The following PLEKHH1 variants were observed in gnomAD, a reference collection of about 807,000 sequenced individuals.
PLEKHH1 encodes the protein pleckstrin homology, MyTH4 and FERM domain containing H1.
In PLEKHH1, 104 loss-of-function variants were observed where a neutral mutation model predicts 160.0. The observed-to-expected ratio is 0.65, with a 90% CI of 0.55 to 0.76. The LOEUF (loss-of-function observed/expected upper bound fraction) is 0.76, where lower values mean the gene tolerates loss of function less well. Among genes scored for constraint, PLEKHH1 ranks in the 30% least tolerant of loss-of-function variants. The pLI is 0.00. For synonymous variants in PLEKHH1, 619 were observed against 678.4 expected, an observed-to-expected ratio of 0.91 and a Z score of 1.36; for missense variants, 1,427 against 1,724.1, an observed-to-expected ratio of 0.83 and a Z score of 3.05.
rs981778357 is a variant in PLEKHH1, at chr14:67,582,295, T to C, written c.3426+85T>C. On this transcript the variant is annotated intron_variant, in intron 24 of 28. Transcript: ENST00000329153. The surrounding 1 kb of genome is among the most constrained non-coding windows in gnomAD (Gnocchi z 5.0). Reference sequence around the variant, plus strand: ...GCAGCCTGAAACACAGGAGAGATTCTGCAGATCCTGTGGTGCTCAGGAGAG... The same window carrying C: ...GCAGCCTGAAACACAGGAGAGATTCCGCAGATCCTGTGGTGCTCAGGAGAG... 12 of 1,598,814 alleles carry C rather than the reference T, an allele frequency of 7.5e-6. No homozygotes were observed. The highest frequency in any genetic ancestry group is 1.0e-5 in the Non-Finnish European group (12 of 1,173,270).
At chr14:67,569,609 G>GT (rs2035275398) in intron 8 of PLEKHH1, 1 of 465,858 alleles carries the variant, frequency 2.1e-6, no homozygotes, top group Admixed American at 3.4e-5. Flanking sequence ...AACGAGGGCT[G>GT]TGGGGTGGTC....
rs1389900754 is a variant in PLEKHH1, at chr14:67,577,875, T to C, written c.2575-148T>C. The C allele has an allele frequency of 1.5e-5, 10 of 654,112 alleles. No individual in the cohort carries two copies. In the East Asian group the frequency reaches 2.8e-4, roughly 18 times the overall value. The allele number at this position is 654,112 out of a possible 1,614,324, so 40.5% of individuals were successfully genotyped here. A position where few individuals can be genotyped will look rare whatever the true frequency, so the allele number is the denominator to read the frequency against. On this transcript the variant is annotated intron_variant, in intron 18 of 28. Coordinates refer to ENST00000329153, the MANE Select transcript of PLEKHH1 (RefSeq NM_020715.3). ...CATAGCCCCTTTTAGTAAGCAGAGATGCCCTCCAACAGTAGCAGTGCTCCC... is the reference window on the plus strand; with the variant it reads ...CATAGCCCCTTTTAGTAAGCAGAGACGCCCTCCAACAGTAGCAGTGCTCCC...
intron 27 of PLEKHH1, 108 bp from the exon 28 acceptor site, chr14:67,585,843 C>A: frequency 3.3e-6 from 4 of 1,216,540 alleles, no homozygotes; most frequent in African/African-American, 1.5e-5. Context: ...AAATTATGAC[C>A]ACTTGGGAGT....
chr14:67,555,262 CTTTCTAGTTCTTTA>C (rs564179332), intron 2 of PLEKHH1, among the ~76,000 whole-genome samples: 1 of 152,340 alleles, frequency 6.6e-6, no homozygotes, highest in South Asian at 2.1e-4. Flanking sequence ...CTCTCTTTCT[CTTTCTAGTTCTTTA>C]AGATTCAAGA....
intron 1 of PLEKHH1, among the ~76,000 whole-genome samples, chr14:67,535,215 T>C (rs2140301957): frequency 6.6e-6 from 1 of 152,218 alleles, no homozygotes; most frequent in Non-Finnish European, 1.5e-5. Context: ...CCTGTAACAG[T>C]GGTTGCCGCT....
At chr14:67,555,703 G>C in intron 2 of PLEKHH1, 122 bp from the exon 3 acceptor site, 1 of 1,418,812 alleles carries the variant, frequency 7.0e-7, no homozygotes, top group Non-Finnish European at 9.6e-7. Flanking sequence ...CGAGCCACTT[G>C]AGATGGGCAC....
At chr14:67,566,242 T>C (rs1012009611) in intron 7 of PLEKHH1, among the ~76,000 whole-genome samples, 4 of 152,066 alleles carry the variant, frequency 2.6e-5, no homozygotes, top group Non-Finnish European at 4.4e-5. Context: ...GGAGACCCAG[T>C]TGAGCCAAGA....
At chr14:67,560,544 G>C (rs75122439) in intron 5 of PLEKHH1, among the ~76,000 whole-genome samples, 1,535 of 152,010 alleles carry the variant, frequency 0.01, 31 homozygotes, top group African/African-American at 0.036. Flanking sequence ...TTCCCCCATC[G>C]CCTGGTAACC....
At chr14:67,561,267 G>C (rs1239581612) in intron 5 of PLEKHH1, among the ~76,000 whole-genome samples, 1 of 152,198 alleles carries the variant, frequency 6.6e-6, no homozygotes, top group Non-Finnish European at 1.5e-5. Context: ...GAAAATGCAG[G>C]CTGGGGGCAG....
At chr14:67,534,289 G>A (rs2033605860) in intron 1 of PLEKHH1, among the ~76,000 whole-genome samples, 1 of 152,122 alleles carries the variant, frequency 6.6e-6, no homozygotes, top group African/African-American at 2.4e-5. Flanking sequence ...CTGAAAAGTT[G>A]TGATTTAGGC....
At chr14:67,538,038 G>A (rs2033810032) in intron 1 of PLEKHH1, among the ~76,000 whole-genome samples, 2 of 152,172 alleles carry the variant, frequency 1.3e-5, no homozygotes, top group Non-Finnish European at 2.9e-5. Flanking sequence ...TAATTTTAGC[G>A]GGGTATTGGG....
At chr14:67,579,625 G>A (rs946146752) in intron 21 of PLEKHH1, 96 bp from the exon 22 acceptor site, 32 of 1,239,050 alleles carry the variant, frequency 2.6e-5, no homozygotes, top group African/African-American at 1.8e-4. Context: ...ATTTGCCCTT[G>A]CTCCTTTCCA....
Position 67,579,245 on chromosome 14 carries a change from G to A in PLEKHH1, c.2961G>A (p.Leu987=), listed in dbSNP as rs776767778. 24 of 1,606,420 alleles carry A rather than the reference G, an allele frequency of 1.5e-5. No homozygotes were observed. Among genetic ancestry groups the A allele is most frequent in the Non-Finnish European group, 2.0e-5 (23 of 1,177,164 alleles). The change falls in exon 21 of 29, where the codon CTG becomes CTA. Residue 987 remains leucine, a synonymous_variant. Transcript: ENST00000329153. The stretch of plus-strand genomic sequence containing the variant: ...GCATGGAAGTGGTGTCCATCCTGCT[G>A]CGTAACCCCTTCCACCACTCCTTGC... ...PSRMEVVSIL[L]RNPFHHSLPF...
intron 1 of PLEKHH1, among the ~76,000 whole-genome samples, chr14:67,540,977 T>C (rs891073651): frequency 6.6e-6 from 1 of 152,236 alleles, no homozygotes; most frequent in African/African-American, 2.4e-5. Context: ...TGATTTGTTC[T>C]GAATTTGTAC....
Position 67,575,353 on chromosome 14 carries a change from A to G in PLEKHH1, c.2089-39A>G, listed in dbSNP as rs775862280. ...CAGTCCTGGATTTACTTCTAGAGTTACCTAGTTCTCATAATGCCAGTTCAT... is the reference window on the plus strand; with the variant it reads ...CAGTCCTGGATTTACTTCTAGAGTTGCCTAGTTCTCATAATGCCAGTTCAT... On this transcript the variant is annotated intron_variant, in intron 14 of 28. Coordinates refer to ENST00000329153, the MANE Select transcript of PLEKHH1 (RefSeq NM_020715.3). 2.4e-6 allele frequency: 3 copies of G among 1,228,244 alleles called. No homozygotes were observed. In the Admixed American group the frequency reaches 5.7e-5, roughly 23 times the overall value. The allele number at this position is 1,228,244 out of a possible 1,614,324, so 76.1% of individuals were successfully genotyped here.
At chr14:67,551,627 G>A (rs777248470) in intron 2 of PLEKHH1, among the ~76,000 whole-genome samples, 4 of 152,052 alleles carry the variant, frequency 2.6e-5, no homozygotes, top group African/African-American at 4.8e-5. Context: ...AACCTTTCAC[G>A]CCTGTAATCC....
chr14:67,562,587 G>A lies in PLEKHH1; in HGVS notation c.956G>A (p.Gly319Asp). ...SLTLPKVRAP[G>D]TPRDSIQLAK... is the part of the protein sequence containing the mutation. ...ACCCTACCAAAGGTGCGGGCTCCTG[G>A]CACCCCGCGGGACAGCATCCAGTTG... Residue 319 changes from glycine to aspartate, a missense_variant, in exon 7 of 29, where the codon GGC becomes GAC. This residue lies in a region of PLEKHH1 where 831 missense variants were observed against 929.2 expected (regional missense o/e 0.89). Coordinates refer to ENST00000329153, the MANE Select transcript of PLEKHH1 (RefSeq NM_020715.3). The A allele has an allele frequency of 6.2e-7, 1 of 1,612,642 alleles. No homozygotes were observed. Among genetic ancestry groups the A allele is most frequent in the Non-Finnish European group, 8.5e-7 (1 of 1,179,260 alleles).
chr14:67,572,469 G>A (rs919071824), intron 11 of PLEKHH1, among the ~76,000 whole-genome samples, 192 bp downstream of exon 11: 1 of 152,170 alleles, frequency 6.6e-6, no homozygotes, highest in African/African-American at 2.4e-5. Flanking sequence ...AAGGAAGGAA[G>A]GAGGGAGCCC....
rs536445638 is a variant in PLEKHH1 at position 67,572,040 on chromosome 14, G to A, written c.1586-95G>A. 39 of 1,489,504 alleles carry A rather than the reference G, an allele frequency of 2.6e-5. No homozygotes were observed. The East Asian group carries it at 3.0e-4, about 11-fold the overall frequency. 92.3% of individuals were successfully genotyped at this position (1,489,504 alleles called of 1,614,324 possible). ...AGCTCCACCCCCAGCCCCAGAGACC[G>A]GGTCCCGGGTGGGTGGTCAAGTCTC... is the stretch of plus-strand genomic sequence containing the variant. On this transcript the variant is annotated intron_variant, in intron 10 of 28. Transcript: ENST00000329153.
Sources: gnomAD v4.1 joint callset for allele counts (sites outside exome capture counted in the v4.1 genomes callset) on GRCh38, gnomAD v4.1.1 for gene constraint, gnomAD v4.1.1 regional missense constraint, Gnocchi (gnomAD v3.1) non-coding constraint, MANE v1.5 for transcripts, NCBI Gene and HGNC (gene_info 2026-07-23, HGNC 2026-07-21) for gene names.